Variants in WNK2 observed in about 807,000 individuals in gnomAD.
The protein encoded by WNK2 is serine/threonine-protein kinase WNK2.
WNK2 carries 67 observed loss-of-function variants against 192.1 expected under a neutral mutation model. The observed-to-expected ratio is 0.35, with a 90% confidence interval of 0.29 to 0.43. The LOEUF is 0.43. Among genes scored for constraint, WNK2 ranks in the 20% least tolerant of loss-of-function variants. The pLI is 1.00. For missense variants in WNK2, 2,698 were observed against 3,089.7 expected (o/e 0.87, Z 3.01); for synonymous variants, 1,439 against 1,393.9 (o/e 1.03, Z -0.72).
rs760815343 is a variant in WNK2 at position 93,256,475 on chromosome 9, G to A, written c.2190+21G>A. ...AGCAGGTGAGTGTGGCACCTCCTGT[G>A]GCCACTGTCCCTCCAGGCAGGCAGT... On this transcript the variant is annotated intron_variant, in intron 10 of 29. Coordinates refer to ENST00000427277, the MANE Select transcript of WNK2 (RefSeq NM_006648.4). The A allele has an allele frequency of 5.3e-6, 8 of 1,502,376 alleles. No individual in the cohort carries two copies. In the South Asian group the frequency reaches 1.0e-4, roughly 19 times the overall value. 93.1% of individuals were successfully genotyped at this position (1,502,376 alleles called of 1,614,324 possible).
chr9:93,220,309 T>C (rs150665067), intron 2 of WNK2, among the ~76,000 whole-genome samples: 2 of 152,246 alleles, frequency 1.3e-5, no homozygotes, highest in Non-Finnish European at 2.9e-5. Context: ...GTCTCTCTGA[T>C]TGGAATAGCT....
chr9:93,270,969 T>A (rs549852113), intron 19 of WNK2, among the ~76,000 whole-genome samples: 8 of 151,936 alleles, frequency 5.3e-5, no homozygotes, highest in Non-Finnish European at 1.2e-4. Flanking sequence ...GAAAGGTGAG[T>A]CCTAGGGAAC....
At chr9:93,308,824 A>T in intron 28 of WNK2, 1 of 1,399,466 alleles carries the variant, frequency 7.1e-7, no homozygotes, top group Non-Finnish European at 9.3e-7. Flanking sequence ...AGGCCAGGCC[A>T]GGGCTGTGAC....
chr9:93,218,297 G>A (rs537052953), intron 2 of WNK2, among the ~76,000 whole-genome samples: 110 of 152,324 alleles, frequency 7.2e-4, no homozygotes, highest in African/African-American at 2.4e-3. Context: ...TGCTAACCCT[G>A]CTGACCTGTG....
intron 2 of WNK2, among the ~76,000 whole-genome samples, chr9:93,198,822 C>G (rs895495328): frequency 8.5e-5 from 13 of 152,224 alleles, no homozygotes; most frequent in Non-Finnish European, 1.6e-4. Context: ...CTGCTGCCCC[C>G]TTTTCCAGCC....
In WNK2 at chr9:93,263,692, C is replaced by T. The variant is rs372237780; in HGVS notation, c.3537C>T (p.Ser1179=). 24 of 1,557,224 alleles carry T rather than the reference C, an allele frequency of 1.5e-5. No homozygotes were observed. The African/African-American group carries it at 2.7e-4, about 18-fold the overall frequency. Reference sequence around the variant, plus strand: ...ACCGCAGGTCCACGCGTGCGCGCTCCCGGCAGGAGAGGGCCAGCCGGCCCC... The same window carrying T: ...ACCGCAGGTCCACGCGTGCGCGCTCTCGGCAGGAGAGGGCCAGCCGGCCCC... ...KHHRRSTRAR[S]RQERASRPRL... Residue 1179 remains serine (S), a synonymous_variant, in exon 15 of 30, where the codon TCC becomes TCT. Coordinates refer to ENST00000427277, the MANE Select transcript of WNK2 (RefSeq NM_006648.4).
At position 93,239,515 on chromosome 9, in the gene WNK2, T is replaced by C. The variant is rs1426171480; in HGVS notation, c.1323-242T>C. Reference sequence around the variant, plus strand: ...TCCTCTTTTGTATCATTGAATCTTTTATGAGCATGTTTTTTTTTTTTATAA... The same window carrying C: ...TCCTCTTTTGTATCATTGAATCTTTCATGAGCATGTTTTTTTTTTTTATAA... On this transcript the variant is annotated intron_variant, in intron 6 of 29. Coordinates refer to ENST00000427277, the MANE Select transcript of WNK2 (RefSeq NM_006648.4). The surrounding 1 kb of genome is among the most constrained non-coding windows in gnomAD (Gnocchi z 4.2). 6.6e-6 allele frequency among the ~76,000 whole-genome samples: 1 copy of C among 152,222 alleles called. No individual in the cohort carries two copies. Among genetic ancestry groups the C allele is most frequent in the Non-Finnish European group, 1.5e-5 (1 of 68,038 alleles).
intron 2 of WNK2, among the ~76,000 whole-genome samples, chr9:93,207,931 CA>C (rs1398468604): frequency 6.6e-6 from 1 of 152,238 alleles, no homozygotes; most frequent in African/African-American, 2.4e-5. Flanking sequence ...TTTAGGGGGA[CA>C]GCTTCGTGTC....
intron 19 of WNK2, among the ~76,000 whole-genome samples, chr9:93,285,507 T>C (rs1217253022): frequency 6.6e-6 from 1 of 152,182 alleles, no homozygotes; most frequent in African/African-American, 2.4e-5. Flanking sequence ...CACCAGTGTA[T>C]GAATCTAACG....
At chr9:93,189,003 C>A (rs904918144) in intron 2 of WNK2, among the ~76,000 whole-genome samples, 2 of 152,180 alleles carry the variant, frequency 1.3e-5, no homozygotes, top group African/African-American at 4.8e-5. Context: ...AACACTGTTC[C>A]ATGTGGCTCA....
intron 10 of WNK2, 129 bp from the exon 11 acceptor site, chr9:93,256,819 C>G (rs1284357884): frequency 1.2e-6 from 1 of 843,930 alleles, no homozygotes; most frequent in Non-Finnish European, 1.8e-6. Context: ...TGTGTGCAGG[C>G]ATGTGTGAAT....
At chr9:93,218,901 G>A (rs1226428978) in intron 2 of WNK2, among the ~76,000 whole-genome samples, 1 of 152,232 alleles carries the variant, frequency 6.6e-6, no homozygotes, top group East Asian at 1.9e-4. Context: ...GAACAGACGG[G>A]CGTGGGGAGC....
chr9:93,202,364 G>GTGTGTATGTGTGTA (rs576221975), intron 2 of WNK2, among the ~76,000 whole-genome samples: 96 of 146,068 alleles, frequency 6.6e-4, no homozygotes, highest in Non-Finnish European at 1.3e-3. Flanking sequence ...GTGTGTGTGT[G>GTGTGTATGTGTGTA]TGTATGTCTC....
At chr9:93,195,443 A>G (rs535916795) in intron 2 of WNK2, among the ~76,000 whole-genome samples, 1 of 152,302 alleles carries the variant, frequency 6.6e-6, no homozygotes, top group African/African-American at 2.4e-5. Flanking sequence ...TCACACCTAT[A>G]ATCCCAGCAC....
At chr9:93,232,059 G>A (rs535561848) in intron 4 of WNK2, among the ~76,000 whole-genome samples, 1 of 152,362 alleles carries the variant, frequency 6.6e-6, no homozygotes, top group South Asian at 2.1e-4. Flanking sequence ...AATCGGATCA[G>A]ATTGGGAGAG....
intron 4 of WNK2, among the ~76,000 whole-genome samples, chr9:93,232,621 G>A (rs1451927467): frequency 1.3e-5 from 2 of 152,192 alleles, no homozygotes; most frequent in Non-Finnish European, 2.9e-5. Context: ...ACTGTGAAGC[G>A]GCAGCCCCGG....
chr9:93,318,475 G>GT (rs1855115240), intron 29 of WNK2: 1 of 1,614,016 alleles, frequency 6.2e-7, no homozygotes, highest in South Asian at 1.1e-5. Flanking sequence ...GGGAATGTCA[G>GT]TTGTTGCGCT....
At position 93,289,222 on chromosome 9, in the gene WNK2, C is replaced by T. The variant is rs1307994390; in HGVS notation, c.4468C>T (p.Gln1490Ter). The change falls in exon 20 of 30, where the codon CAG becomes TAG. Residue 1490 changes from glutamine to a stop codon, truncating the protein, a stop_gained. Coordinates refer to ENST00000427277, the MANE Select transcript of WNK2 (RefSeq NM_006648.4). LOFTEE classifies it high-confidence loss of function. ...PEPSPHSGTP[Q>*]PALGQPAPLL... ...GCCCAGCCCCCACAGCGGGACCCCA[C>T]AGCCCGCCTTGGGTCAACCTGCTCC... The T allele has an allele frequency of 1.2e-6, 2 of 1,604,894 alleles. No individual in the cohort carries two copies. Among genetic ancestry groups the T allele is most frequent in the Non-Finnish European group, 8.5e-7 (1 of 1,178,484 alleles).
chr9:93,234,710 C>A, intron 4 of WNK2, 98 bp from the exon 5 acceptor site: 3 of 1,407,438 alleles, frequency 2.1e-6, no homozygotes, highest in Non-Finnish European at 2.9e-6. Flanking sequence ...GTGGAGGGGA[C>A]ATGGGGTTCT....
Sources: allele counts gnomAD v4.1 joint callset (sites outside exome capture counted in the v4.1 genomes callset), GRCh38; gene constraint gnomAD v4.1.1; non-coding constraint Gnocchi (gnomAD v3.1); transcripts MANE v1.5; gene names NCBI Gene and HGNC (gene_info 2026-07-23, HGNC 2026-07-21).